Variants in SUPT3H observed in about 807,000 individuals in gnomAD.
SUPT3H encodes SPT3 homolog, SAGA and STAGA complex component, also known as transcription initiation protein SPT3 homolog.
SUPT3H carries 44 observed loss-of-function variants against 44.3 expected under a neutral mutation model. That is an observed-to-expected ratio of 0.99 (90% CI 0.78 to 1.28). The LOEUF (loss-of-function observed/expected upper bound fraction) is 1.28, where lower values mean the gene tolerates loss of function less well. Ranked by LOEUF, SUPT3H falls within the 50% of genes most tolerant of loss-of-function variation. The pLI is 0.00. For synonymous variants in SUPT3H, 124 were observed against 125.6 expected (o/e 0.99, Z 0.09); for missense variants, 380 against 387.1 (o/e 0.98, Z 0.15).
intron 2 of SUPT3H, among the ~76,000 whole-genome samples, chr6:45,331,409 C>T (rs763054250): frequency 3.9e-5 from 6 of 151,914 alleles, no homozygotes; most frequent in Non-Finnish European, 7.4e-5. Context: ...AATTGTGGTC[C>T]ATATCAATAA....
intron 3 of SUPT3H, among the ~76,000 whole-genome samples, chr6:45,052,971 G>A (rs937255780): frequency 2.0e-5 from 3 of 152,058 alleles, no homozygotes; most frequent in Admixed American, 1.3e-4. Flanking sequence ...GAAGAGAGAG[G>A]AAGACAGGTA....
intron 9 of SUPT3H, among the ~76,000 whole-genome samples, chr6:44,946,908 G>A (rs1216355104): frequency 6.6e-6 from 1 of 152,048 alleles, no homozygotes; most frequent in Non-Finnish European, 1.5e-5. Context: ...TTCAAGAAAG[G>A]AAGAGTCAAT....
intron 2 of SUPT3H, among the ~76,000 whole-genome samples, chr6:45,255,270 A>G (rs1773158085): frequency 6.6e-6 from 1 of 152,088 alleles, no homozygotes; most frequent in Admixed American, 6.6e-5. Context: ...GGACTATGAT[A>G]TTGTCTTCTT....
chr6:45,159,168 T>C (rs748922431), intron 2 of SUPT3H: 3 of 152,164 alleles, frequency 2.0e-5, no homozygotes, highest in Non-Finnish European at 4.4e-5. Flanking sequence ...CAATATCCTA[T>C]TGAACTGACC....
At chr6:44,942,676 T>C (rs1289514417) in intron 9 of SUPT3H, among the ~76,000 whole-genome samples, 1 of 152,180 alleles carries the variant, frequency 6.6e-6, no homozygotes, top group Non-Finnish European at 1.5e-5. Context: ...GTGATCTTCC[T>C]ATCTCAGCCT....
intron 2 of SUPT3H, among the ~76,000 whole-genome samples, chr6:45,200,140 T>C (rs1436659325): frequency 6.6e-6 from 1 of 151,590 alleles, no homozygotes; most frequent in East Asian, 1.9e-4. Context: ...AAAACATTTA[T>C]AATTTTGAAA....
At chr6:45,293,508 T>G (rs1466148009) in intron 2 of SUPT3H, among the ~76,000 whole-genome samples, 5 of 139,720 alleles carry the variant, frequency 3.6e-5, no homozygotes, top group Admixed American at 2.9e-4. Flanking sequence ...TAAACGAAAC[T>G]GAAACAATCA....
chr6:45,016,937 TG>T (rs1257496492), intron 4 of SUPT3H, among the ~76,000 whole-genome samples: 163 of 151,150 alleles, frequency 1.1e-3, no homozygotes, highest in African/African-American at 3.4e-3. Context: ...CCACAATGGT[TG>T]AACTAGTTTA....
intron 2 of SUPT3H, among the ~76,000 whole-genome samples, chr6:45,255,988 G>A (rs774596777): frequency 1.3e-5 from 2 of 152,038 alleles, no homozygotes; most frequent in African/African-American, 2.4e-5. Flanking sequence ...TGGCTAACAC[G>A]GTGAAACCCC....
At chr6:45,285,611 A>G (rs894158084) in intron 2 of SUPT3H, among the ~76,000 whole-genome samples, 1 of 152,180 alleles carries the variant, frequency 6.6e-6, no homozygotes, top group African/African-American at 2.4e-5. Flanking sequence ...AACAAATGGA[A>G]GAACATTCCA....
chr6:44,978,392 C>T (rs1172541901), intron 6 of SUPT3H, among the ~76,000 whole-genome samples: 1 of 152,130 alleles, frequency 6.6e-6, no homozygotes, highest in African/African-American at 2.4e-5. Context: ...AAGAATGGAA[C>T]TGTGATTTTA....
In SUPT3H at chr6:45,050,984, A is replaced by G. The variant is rs561823466; in HGVS notation, c.187-30352T>C. ...ACTGCAAGCTCCGCCTCCCAGGTTCATGCCATTCTCCTGACTCAGCCTCCT... is the reference window on the plus strand; with the variant it reads ...ACTGCAAGCTCCGCCTCCCAGGTTCGTGCCATTCTCCTGACTCAGCCTCCT... On this transcript the variant is annotated intron_variant, in intron 3 of 10. Transcript: ENST00000371459. Among the ~76,000 whole-genome samples the G allele has an allele frequency of 2.0e-4, 29 of 145,482 alleles. No homozygotes were observed. In the South Asian group the frequency reaches 6.2e-3, roughly 31 times the overall value.
chr6:44,821,001 C>T (rs1217311285), intron 11 of SUPT3H, among the ~76,000 whole-genome samples: 1 of 152,104 alleles, frequency 6.6e-6, no homozygotes, highest in Non-Finnish European at 1.5e-5. Context: ...CAGGAATGTG[C>T]CACTGTGCCT....
intron 9 of SUPT3H, among the ~76,000 whole-genome samples, chr6:44,942,074 A>G (rs1476579335): frequency 4.6e-5 from 7 of 152,208 alleles, no homozygotes; most frequent in Admixed American, 2.6e-4. Flanking sequence ...ATCGGGAAGA[A>G]ATGTTTAAAT....
At chr6:45,169,777 A>G (rs1810485062) in intron 2 of SUPT3H, among the ~76,000 whole-genome samples, 1 of 152,200 alleles carries the variant, frequency 6.6e-6, no homozygotes, top group African/African-American at 2.4e-5. Flanking sequence ...CAGAACAGTA[A>G]TATGTTTAAA....
In SUPT3H at chr6:45,246,468, T is replaced by C. The variant is rs571097001; in HGVS notation, c.101+118733A>G. On this transcript the variant is annotated intron_variant, in intron 2 of 10. Coordinates refer to ENST00000371459, the MANE Select transcript of SUPT3H (RefSeq NM_003599.4). ...ACCATCATCGTAACAGGAAGTAGAG[T>C]GCAACTTTGCACTAAGTTAAAATTA... 3.3e-5 allele frequency among the ~76,000 whole-genome samples: 5 copies of C among 152,212 alleles called. No individual in the cohort carries two copies. The South Asian group carries it at 1.0e-3, about 32-fold the overall frequency.
At chr6:45,367,523 C>T (rs757542526) in intron 1 of SUPT3H, among the ~76,000 whole-genome samples, 1 of 151,988 alleles carries the variant, frequency 6.6e-6, no homozygotes, top group African/African-American at 2.4e-5. Context: ...CCTAAATAGT[C>T]CTGCAGAATT....
At chr6:45,145,244 A>G (rs1805853621) in intron 2 of SUPT3H, among the ~76,000 whole-genome samples, 1 of 152,178 alleles carries the variant, frequency 6.6e-6, no homozygotes, top group African/African-American at 2.4e-5. Context: ...ATCTAGAGGC[A>G]TCATATTACC....
intron 2 of SUPT3H, among the ~76,000 whole-genome samples, chr6:45,347,098 ATG>A (rs564977656): frequency 1.3e-5 from 2 of 152,326 alleles, no homozygotes; most frequent in South Asian, 4.1e-4. Flanking sequence ...CCCCACAAAT[ATG>A]TGTGAGTTTA....
Sources: gnomAD v4.1 joint callset for allele counts (sites outside exome capture counted in the v4.1 genomes callset) on GRCh38, gnomAD v4.1.1 for gene constraint, MANE v1.5 for transcripts, NCBI Gene and HGNC (gene_info 2026-07-23, HGNC 2026-07-21) for gene names.